The following SSH3 variants were observed in gnomAD, a reference collection of about 807,000 sequenced individuals.
The protein encoded by SSH3 is slingshot protein phosphatase 3, also known as protein phosphatase Slingshot homolog 3.
SSH3 carries 67 observed loss-of-function variants against 75.0 expected under a neutral mutation model. The observed-to-expected ratio is 0.89, with a 90% CI of 0.73 to 1.10. The LOEUF (loss-of-function observed/expected upper bound fraction) is 1.10. Ranked by LOEUF, SSH3 falls within the 50% of genes least tolerant of loss-of-function variation. SSH3 has a pLI of 0.00. For synonymous variants in SSH3, 318 were observed against 349.2 expected, an observed-to-expected ratio of 0.91 and a Z score of 1.00; for missense variants, 824 against 872.7, an observed-to-expected ratio of 0.94 and a Z score of 0.70.
chr11:67,307,742 G>A lies in SSH3; in HGVS notation c.791+5G>A. 4 of 1,613,800 alleles carry A rather than the reference G, an allele frequency of 2.5e-6. No individual in the cohort carries two copies. The Middle Eastern group carries it at 6.6e-4, about 267-fold the overall frequency. ...TCCCAGCGCCGAGCCTGGCGGGTCA[G>A]TGTGTGGAGGGGAGGGACTGGGTGG... On this transcript the variant is annotated splice_donor_5th_base_variant and intron_variant, in intron 7 of 13. Coordinates refer to ENST00000308127, the MANE Select transcript of SSH3 (RefSeq NM_017857.4). This position sits in a 1 kb window ranked among gnomAD's most constrained non-coding sequence, Gnocchi z 4.2.
chr11:67,307,909 C>G lies in SSH3; in HGVS notation c.855C>G (p.Val285=). The change falls in exon 8 of 14, where the codon GTC becomes GTG. Residue 285 remains valine (V), a synonymous_variant. Transcript: ENST00000308127. This position sits in a 1 kb window ranked among gnomAD's most constrained non-coding sequence, Gnocchi z 4.2. ...CTGAGCTGTGGAAAGTGTTGGATGT[C>G]AGTGACCTGGAGAGTGTCACTTCCA... ...IRAELWKVLD[V]SDLESVTSKE... 6.2e-7 allele frequency: 1 copy of G among 1,614,224 alleles called. No homozygotes were observed. Among genetic ancestry groups the G allele is most frequent in the Non-Finnish European group, 8.5e-7 (1 of 1,180,032 alleles).
rs1861428202 is a variant in SSH3 at position 67,312,052 on chromosome 11, T to TGTCACTACGGCCTCACCTCCCACCC, written c.*173_*174insGGCCTCACCTCCCACCCGTCACTAC. On this transcript the variant is annotated 3_prime_UTR_variant, in exon 14 of 14. Transcript: ENST00000308127. ...TCACTACGGCCTCACCTCCCACCCC[T>TGTCACTACGGCCTCACCTCCCACCC]GTCACTACAGCCTCACCTCCTACAG... 1 of 881,086 alleles carries TGTCACTACGGCCTCACCTCCCACCC rather than the reference T, an allele frequency of 1.1e-6. No individual in the cohort carries two copies. Among genetic ancestry groups the TGTCACTACGGCCTCACCTCCCACCC allele is most frequent in the Non-Finnish European group, 1.6e-6 (1 of 606,834 alleles). The allele number at this position is 881,086 out of a possible 1,614,324, so 54.6% of individuals were successfully genotyped here.
rs1861271895 is a variant in SSH3, at chr11:67,307,208, T to G, written c.536+95T>G. On this transcript the variant is annotated intron_variant, in intron 5 of 13. Coordinates refer to ENST00000308127, the MANE Select transcript of SSH3 (RefSeq NM_017857.4). This position sits in a 1 kb window ranked among gnomAD's most constrained non-coding sequence, Gnocchi z 4.2. ...TGGGCACCAGGGTACAGTAGAACTTTAGGCTGGGACTCTGGGGCCTGCTCC... is the reference window on the plus strand; with the variant it reads ...TGGGCACCAGGGTACAGTAGAACTTGAGGCTGGGACTCTGGGGCCTGCTCC... 7 of 1,569,310 alleles carry G rather than the reference T, an allele frequency of 4.5e-6. No homozygotes were observed. The highest frequency in any genetic ancestry group is 6.0e-6 in the Non-Finnish European group (7 of 1,157,994).
chr11:67,309,541 A>C lies in SSH3; in HGVS notation c.1206A>C (p.Ala402=), dbSNP rs755800292. 6.2e-7 allele frequency: 1 copy of C among 1,613,362 alleles called. No individual in the cohort carries two copies. Among genetic ancestry groups the C allele is most frequent in the African/African-American group, 1.3e-5 (1 of 74,938 alleles). ...AGACGCACCGCTTCATTGAGGCTGC[A>C]AGGTCGGTCTCCTGGCTTTGCTGCC... ...WKETHRFIEA[A]RAQGTHVLVH... Residue 402 remains alanine, a splice_region_variant and synonymous_variant, in exon 11 of 14, where the codon GCA becomes GCC. Coordinates refer to ENST00000308127, the MANE Select transcript of SSH3 (RefSeq NM_017857.4).
At position 67,312,307 on chromosome 11, in the gene SSH3, AT is replaced by A. The variant is rs1861432845; in HGVS notation, c.*422del. 6.8e-6 allele frequency: 1 copy of A among 146,284 alleles called. No homozygotes were observed. Among genetic ancestry groups the A allele is most frequent in the South Asian group, 1.3e-4 (1 of 7,870 alleles). 9.1% of individuals were successfully genotyped at this position (146,284 alleles called of 1,614,324 possible). ...TGCACCTCCTGTCCTCTCCCAGTTCATTCCTGGAACCAGCCAGGCCAGGCAA... is the reference window on the plus strand; with the variant it reads ...TGCACCTCCTGTCCTCTCCCAGTTCATCCTGGAACCAGCCAGGCCAGGCAA... On this transcript the variant is annotated 3_prime_UTR_variant, in exon 14 of 14. Transcript: ENST00000308127.
In SSH3 at chr11:67,308,081, G is replaced by A. The variant is rs1383080606; in HGVS notation, c.886-93G>A. The A allele has an allele frequency of 3.8e-6, 6 of 1,586,104 alleles. No homozygotes were observed. The African/African-American group carries it at 4.0e-5, about 11-fold the overall frequency. On this transcript the variant is annotated intron_variant, in intron 8 of 13. Coordinates refer to ENST00000308127, the MANE Select transcript of SSH3 (RefSeq NM_017857.4). The surrounding 1 kb of genome is among the most constrained non-coding windows in gnomAD (Gnocchi z 4.9). Reference sequence around the variant, plus strand: ...CCTTGGCCCTAATCCATCTAGATGGGATAGGGTGCTGTCCTCAGAGGTCCC... The same window carrying A: ...CCTTGGCCCTAATCCATCTAGATGGAATAGGGTGCTGTCCTCAGAGGTCCC...
chr11:67,304,762 T>C lies in SSH3; in HGVS notation c.105-11T>C. The C allele has an allele frequency of 2.5e-6, 4 of 1,589,514 alleles. No individual in the cohort carries two copies. The highest frequency in any genetic ancestry group is 3.4e-6 in the Non-Finnish European group (4 of 1,168,640). ...ATGAGGAGCCATGACAGTTGCCCACTGCCCTGCCAGGCAGAGCTTTGCGGT... is the reference window on the plus strand; with the variant it reads ...ATGAGGAGCCATGACAGTTGCCCACCGCCCTGCCAGGCAGAGCTTTGCGGT... On this transcript the variant is annotated splice_polypyrimidine_tract_variant and intron_variant, in intron 2 of 13. Transcript: ENST00000308127.
intron 1 of SSH3, chr11:67,303,914 C>T (rs1229366663): frequency 5.1e-6 from 4 of 780,602 alleles, no homozygotes; most frequent in African/African-American, 3.7e-5. Context: ...TCTGAGCGCG[C>T]CCCCCGCCAC....
In SSH3 at chr11:67,312,028, C is replaced by T. The variant is rs1565091662; in HGVS notation, c.*141C>T. The T allele has an allele frequency of 8.8e-7, 1 of 1,131,842 alleles. No individual in the cohort carries two copies. The highest frequency in any genetic ancestry group is 1.6e-5 in the South Asian group (1 of 62,510). 70.1% of individuals were successfully genotyped at this position (1,131,842 alleles called of 1,614,324 possible). ...CTACAGCCTCACCTCCCACCCCTGT[C>T]ACTACGGCCTCACCTCCCACCCCTG... On this transcript the variant is annotated 3_prime_UTR_variant, in exon 14 of 14. Transcript: ENST00000308127.
rs754402555 is a variant in SSH3, at chr11:67,308,312, A to G, written c.1014+10A>G. On this transcript the variant is annotated intron_variant, in intron 9 of 13. Transcript: ENST00000308127. This position sits in a 1 kb window ranked among gnomAD's most constrained non-coding sequence, Gnocchi z 4.9. ...CCCCCACCTCTACCTGGTGAGCTTC[A>G]GCCAGGCCTGGGCCATGGGGACCGC... 2 of 1,614,082 alleles carry G rather than the reference A, an allele frequency of 1.2e-6. No individual in the cohort carries two copies. Among genetic ancestry groups the G allele is most frequent in the South Asian group, 2.2e-5 (2 of 91,078 alleles).
At chr11:67,304,289 A>C (rs1861162909) in intron 2 of SSH3, 134 bp downstream of exon 2, 1 of 712,182 alleles carries the variant, frequency 1.4e-6, no homozygotes, top group Admixed American at 3.0e-5. Context: ...TTTGTGGGGC[A>C]GCGTTCCCGG....
In SSH3 at chr11:67,307,293, T is replaced by G; in HGVS notation, c.537-78T>G. ...AGGCACCTGACTCCTGGGTCTCGGC[T>G]TCCCGTATCCAGCAAAAGGATGGGT... On this transcript the variant is annotated intron_variant, in intron 5 of 13. Transcript: ENST00000308127. This position sits in a 1 kb window ranked among gnomAD's most constrained non-coding sequence, Gnocchi z 4.2. 2 of 1,591,698 alleles carry G rather than the reference T, an allele frequency of 1.3e-6. No homozygotes were observed. Among genetic ancestry groups the G allele is most frequent in the Non-Finnish European group, 1.7e-6 (2 of 1,170,234 alleles).
At chr11:67,310,740 C>T (rs1045179125) in intron 13 of SSH3, among the ~76,000 whole-genome samples, 3 of 152,266 alleles carry the variant, frequency 2.0e-5, no homozygotes, top group Admixed American at 1.3e-4. Flanking sequence ...GCCTCGATCG[C>T]GGGCAGGTTC....
At chr11:67,309,280 G>T (rs528238179) in intron 10 of SSH3, 117 bp from the exon 11 acceptor site, 1 of 1,305,724 alleles carries the variant, frequency 7.7e-7, no homozygotes, top group East Asian at 2.3e-5. Context: ...TGTCACTGCT[G>T]CCTCCATCTG....
rs1861319754 is a variant in SSH3 at position 67,308,590 on chromosome 11, C to T, written c.1061+132C>T. ...TGCTAGCTCTGCTTCTAACTCTGTC[C>T]TGGGGCTGTTGCCCTGGTGTGGGCT... On this transcript the variant is annotated intron_variant, in intron 10 of 13. Transcript: ENST00000308127. The surrounding 1 kb of genome is among the most constrained non-coding windows in gnomAD (Gnocchi z 4.9). The T allele has an allele frequency of 7.5e-7, 1 of 1,332,952 alleles. No individual in the cohort carries two copies. Among genetic ancestry groups the T allele is most frequent in the South Asian group, 1.4e-5 (1 of 72,262 alleles). 82.6% of individuals were successfully genotyped at this position (1,332,952 alleles called of 1,614,324 possible). A position where few individuals can be genotyped will look rare whatever the true frequency, so the allele number is the denominator to read the frequency against.
chr11:67,303,843 G>T (rs1861140401), intron 1 of SSH3, 152 bp downstream of exon 1: 2 of 830,226 alleles, frequency 2.4e-6, no homozygotes, highest in East Asian at 6.6e-5. Flanking sequence ...GAGGGTCTCT[G>T]GTACTGGCGC....
chr11:67,309,761 T>C lies in SSH3; in HGVS notation c.1209-7T>C. On this transcript the variant is annotated splice_polypyrimidine_tract_variant and splice_region_variant and intron_variant, in intron 11 of 13. Transcript: ENST00000308127. ...GGGAGGGTGCTGAACCTGGCCTGCT[T>C]CCACAGAGCACAGGGCACCCACGTG... 2 of 1,612,494 alleles carry C rather than the reference T, an allele frequency of 1.2e-6. No individual in the cohort carries two copies. Among genetic ancestry groups the C allele is most frequent in the Non-Finnish European group, 1.7e-6 (2 of 1,179,936 alleles).
rs778006683 is a variant in SSH3, at chr11:67,311,927, A to C, written c.*40A>C. 18 of 1,596,276 alleles carry C rather than the reference A, an allele frequency of 1.1e-5. No homozygotes were observed. In the South Asian group the frequency reaches 1.8e-4, roughly 16 times the overall value. ...CCACGCTCCCCTGACACTGAAGAGGATCCACAACTCCTTGGAGAAACACCC... is the reference window on the plus strand; with the variant it reads ...CCACGCTCCCCTGACACTGAAGAGGCTCCACAACTCCTTGGAGAAACACCC... On this transcript the variant is annotated 3_prime_UTR_variant, in exon 14 of 14. Coordinates refer to ENST00000308127, the MANE Select transcript of SSH3 (RefSeq NM_017857.4).
chr11:67,304,686 G>A, intron 2 of SSH3, 87 bp from the exon 3 acceptor site: 1 of 1,331,514 alleles, frequency 7.5e-7, no homozygotes, highest in Non-Finnish European at 1.0e-6. Context: ...GACAAGGGCT[G>A]CAGGTGAATG....
Sources: allele counts gnomAD v4.1 joint callset (sites outside exome capture counted in the v4.1 genomes callset), GRCh38; gene constraint gnomAD v4.1.1; non-coding constraint Gnocchi (gnomAD v3.1); transcripts MANE v1.5; gene names NCBI Gene and HGNC (gene_info 2026-07-23, HGNC 2026-07-21).